RNF135: variants seen among roughly 807,000 people sequenced by gnomAD.
The protein encoded by RNF135 is ring finger protein 135.
Under a neutral mutation model 41.9 loss-of-function variants are expected in RNF135, and 46 were observed. The observed-to-expected ratio is 1.10, with a 90% confidence interval of 0.87 to 1.40. The LOEUF (loss-of-function observed/expected upper bound fraction) is 1.40. Ranked by LOEUF, RNF135 falls within the 40% of genes most tolerant of loss-of-function variation. The probability of loss-of-function intolerance (pLI) is 0.00; values close to 1 mark genes in which losing one functional copy is unlikely to be tolerated. For missense variants in RNF135, 539 were observed against 549.8 expected (o/e 0.98, Z 0.20); for synonymous variants, 238 against 223.8 (o/e 1.06, Z -0.57).
chr17:30,975,260 C>G (rs984103784), intron 1 of RNF135: 9 of 527,856 alleles, frequency 1.7e-5, no homozygotes, highest in Admixed American at 6.8e-5. Context: ...GAGGTTGAGG[C>G]TGCAGTGAGC....
rs779731671 is a variant in RNF135, at chr17:30,971,158, G to A, written c.85G>A (p.Asp29Asn). The change falls in exon 1 of 5, where the codon GAC becomes AAC. Residue 29 changes from aspartate (D) to asparagine (N), a missense_variant. By Grantham distance (23) the Asp-to-Asn change is conservative. Transcript: ENST00000328381. ...LGCIICQGLL[D>N]WPATLPCGHS... Reference sequence around the variant, plus strand: ...CTGCATCATCTGCCAGGGGCTGCTGGACTGGCCCGCCACGCTGCCCTGCGG... The same window carrying A: ...CTGCATCATCTGCCAGGGGCTGCTGAACTGGCCCGCCACGCTGCCCTGCGG... 7 of 1,532,616 alleles carry A rather than the reference G, an allele frequency of 4.6e-6. No homozygotes were observed. Among genetic ancestry groups the A allele is most frequent in the South Asian group, 3.6e-5 (3 of 83,894 alleles). The allele number at this position is 1,532,616 out of a possible 1,614,324, so 94.9% of individuals were successfully genotyped here.
chr17:30,977,860 C>T (rs572110233), intron 1 of RNF135, among the ~76,000 whole-genome samples: 96 of 152,358 alleles, frequency 6.3e-4, no homozygotes, highest in African/African-American at 2.2e-3. Context: ...TGAGCCACTG[C>T]GCCTGGCCTT....
At chr17:30,970,452 C>T (rs1905796612), upstream of RNF135, 1 of 153,014 alleles carries the variant, frequency 6.5e-6, no homozygotes, top group African/African-American at 2.4e-5. Flanking sequence ...CTCACTCAAC[C>T]TTGAATGCGC....
At chr17:30,974,655 A>G (rs1906277470) in intron 1 of RNF135, among the ~76,000 whole-genome samples, 1 of 148,204 alleles carries the variant, frequency 6.7e-6, no homozygotes. Flanking sequence ...ATTCCTAGCT[A>G]TGTTATTCCT....
At chr17:30,972,654 T>C (rs1906094360) in intron 1 of RNF135, 1 of 152,276 alleles carries the variant, frequency 6.6e-6, no homozygotes, top group African/African-American at 2.4e-5. Context: ...TTTGTCCCTT[T>C]GTGCCTGGTT....
intron 3 of RNF135, among the ~76,000 whole-genome samples, chr17:30,988,405 G>C (rs1907742686): frequency 6.7e-6 from 1 of 150,240 alleles, no homozygotes; most frequent in Non-Finnish European, 1.5e-5. Context: ...TTCTGAAATA[G>C]GCCACTTTTA....
chr17:30,963,215 C>T, the RNF135 span, among the ~76,000 whole-genome samples: 1 of 150,074 alleles, frequency 6.7e-6, no homozygotes, highest in Non-Finnish European at 1.5e-5. Context: ...CTCAAGAGAT[C>T]CTTCTGCCTC....
At chr17:30,994,344 A>G (rs1335440925) in intron 3 of RNF135, among the ~76,000 whole-genome samples, 1 of 152,010 alleles carries the variant, frequency 6.6e-6, no homozygotes, top group Non-Finnish European at 1.5e-5. Context: ...GGAGTTCAAG[A>G]GCAGCCTGGG....
At chr17:30,978,018 T>G (rs1287590270) in intron 1 of RNF135, among the ~76,000 whole-genome samples, 1 of 152,230 alleles carries the variant, frequency 6.6e-6, no homozygotes, top group Non-Finnish European at 1.5e-5. Context: ...TTTTCTAGGG[T>G]AAAAGTTTTT....
intron 1 of RNF135, chr17:30,975,583 C>T (rs1324562815): frequency 9.7e-6 from 8 of 826,470 alleles, no homozygotes; most frequent in Non-Finnish European, 1.7e-5. Flanking sequence ...GGTTCAAGAA[C>T]CACAGAGCAA....
At chr17:30,997,561 C>T in intron 4 of RNF135, 1 of 597,866 alleles carries the variant, frequency 1.7e-6, no homozygotes, top group Non-Finnish European at 3.2e-6. Context: ...GCTGTGGCCA[C>T]CAACTACAGC....
chr17:30,963,030 C>T, the RNF135 span, among the ~76,000 whole-genome samples: 3 of 149,556 alleles, frequency 2.0e-5, no homozygotes, highest in East Asian at 5.9e-4. Flanking sequence ...TGTCGAAGTC[C>T]TATTATGTAC....
At chr17:30,989,984 CAAAAAA>C (rs10627734) in intron 3 of RNF135, among the ~76,000 whole-genome samples, 1 of 55,308 alleles carries the variant, frequency 1.8e-5, no homozygotes, top group Non-Finnish European at 4.3e-5. Context: ...AACTCTGTCT[CAAAAAA>C]AAAAAAAAAA....
Position 30,999,373 on chromosome 17 carries a change from C to A in RNF135, c.*182C>A. The A allele has an allele frequency of 4.5e-6, 3 of 663,848 alleles. No individual in the cohort carries two copies. Among genetic ancestry groups the A allele is most frequent in the East Asian group, 2.8e-5 (1 of 35,768 alleles). The allele number at this position is 663,848 out of a possible 1,614,324, so 41.1% of individuals were successfully genotyped here. On this transcript the variant is annotated 3_prime_UTR_variant, in exon 5 of 5. Coordinates refer to ENST00000328381, the MANE Select transcript of RNF135 (RefSeq NM_032322.4). ...AAGCAGTCCTCCCACCTCAGCCTCCCAAGGTGCTGGGATTACAGGTGTGAG... is the reference window on the plus strand; with the variant it reads ...AAGCAGTCCTCCCACCTCAGCCTCCAAAGGTGCTGGGATTACAGGTGTGAG...
chr17:30,997,276 C>T lies in RNF135; in HGVS notation c.714C>T (p.Cys238=), dbSNP rs1192457483. The T allele has an allele frequency of 6.2e-7, 1 of 1,613,910 alleles. No individual in the cohort carries two copies. The highest frequency in any genetic ancestry group is 8.5e-7 in the Non-Finnish European group (1 of 1,179,954). ...ELLEAPSSSS[C]PLPDQSHPAL... Reference sequence around the variant, plus strand: ...TGGAAGCCCCGTCTTCCTCCTCATGCCCATTGCCTGACCAGAGCCACCCTG... The same window carrying T: ...TGGAAGCCCCGTCTTCCTCCTCATGTCCATTGCCTGACCAGAGCCACCCTG... Residue 238 remains cysteine (C), a synonymous_variant, in exon 4 of 5, where the codon TGC becomes TGT. Coordinates refer to ENST00000328381, the MANE Select transcript of RNF135 (RefSeq NM_032322.4).
intron 1 of RNF135, among the ~76,000 whole-genome samples, chr17:30,983,793 C>G (rs1348206835): frequency 6.6e-6 from 1 of 151,730 alleles, no homozygotes; most frequent in Admixed American, 6.6e-5. Flanking sequence ...AGTAGCCAAC[C>G]TAATGAGTGT....
At chr17:30,975,136 AAGAAGCT>A (rs981458522) in intron 1 of RNF135, among the ~76,000 whole-genome samples, 3 of 151,914 alleles carry the variant, frequency 2.0e-5, no homozygotes, top group Non-Finnish European at 4.4e-5. Flanking sequence ...AAAAAGAAAA[AAGAAGCT>A]ATGAGACCCA....
chr17:30,960,144 A>G, the RNF135 span, among the ~76,000 whole-genome samples: 6 of 152,250 alleles, frequency 3.9e-5, no homozygotes, highest in African/African-American at 1.4e-4. Context: ...CTATAATCCT[A>G]GCACTTTGGG....
upstream of RNF135, among the ~76,000 whole-genome samples, chr17:30,968,381 TCTTTC>T (rs1180711570): frequency 1.3e-5 from 2 of 149,468 alleles, no homozygotes; most frequent in African/African-American, 4.9e-5. Context: ...CCCCTTTCTT[TCTTTC>T]TTTTTTTTTT....
Sources: allele counts gnomAD v4.1 joint callset (sites outside exome capture counted in the v4.1 genomes callset), GRCh38; gene constraint gnomAD v4.1.1; transcripts MANE v1.5; gene names NCBI Gene and HGNC (gene_info 2026-07-23, HGNC 2026-07-21).